SNX8: variants seen among roughly 807,000 people sequenced by gnomAD.
SNX8 encodes the protein sorting nexin 8.
SNX8 carries 25 observed loss-of-function variants against 51.6 expected under a neutral mutation model. The observed-to-expected ratio is 0.48, with a 90% CI of 0.35 to 0.68. SNX8 has a LOEUF of 0.68. SNX8 is among the 30% of genes least tolerant of loss of function. The pLI is 0.00. For missense variants in SNX8, 695 were observed against 624.0 expected (o/e 1.11, Z -1.21); for synonymous variants, 324 against 277.0 (o/e 1.17, Z -1.68).
Position 2,263,347 on chromosome 7 carries a change from G to A in SNX8, c.798C>T (p.Asp266=). 6.2e-7 allele frequency: 1 copy of A among 1,605,776 alleles called. No individual in the cohort carries two copies. Among genetic ancestry groups the A allele is most frequent in the Middle Eastern group, 1.7e-4 (1 of 6,052 alleles). The change falls in exon 7 of 11, where the codon GAC becomes GAT. Residue 266 remains aspartate (D), a synonymous_variant. Transcript: ENST00000222990. ...FGKELSAIGS[D]TTPLPSWAAL... is the part of the protein sequence containing the mutation. ...CGGCCCAGGAGGGCAGCGGGGTCGT[G>A]TCAGACCCTATTGCACTGAGGGAGC...
At chr7:2,284,914 T>C (rs1324446935) in intron 1 of SNX8, among the ~76,000 whole-genome samples, 32 of 151,922 alleles carry the variant, frequency 2.1e-4, no homozygotes. Flanking sequence ...AATAAGTAAA[T>C]TAATTAAAAC....
At chr7:2,293,770 C>T (rs1255094099) in intron 1 of SNX8, among the ~76,000 whole-genome samples, 1 of 150,570 alleles carries the variant, frequency 6.6e-6, no homozygotes, top group Non-Finnish European at 1.5e-5. Context: ...CGAGACCTGC[C>T]TGGCCAACAT....
intron 1 of SNX8, among the ~76,000 whole-genome samples, chr7:2,279,770 A>G (rs1795869215): frequency 6.9e-6 from 1 of 144,242 alleles, no homozygotes; most frequent in Non-Finnish European, 1.5e-5. Flanking sequence ...AAGAAAAAAA[A>G]AAAAAAAAAA....
intron 1 of SNX8, among the ~76,000 whole-genome samples, chr7:2,297,550 CAAAAAAAAAA>C (rs145543350): frequency 6.7e-4 from 27 of 40,272 alleles, no homozygotes; most frequent in South Asian, 2.1e-3. Flanking sequence ...AACCCCGCCG[CAAAAAAAAAA>C]AAAAAAAAAA....
intron 1 of SNX8, among the ~76,000 whole-genome samples, chr7:2,346,540 G>C (rs1773823789): frequency 1.3e-5 from 2 of 151,686 alleles, no homozygotes; most frequent in Admixed American, 6.6e-5. Context: ...GAGGTCAGGA[G>C]ATCGAGACCA....
At chr7:2,302,960 G>A (rs1267121582) in intron 1 of SNX8, among the ~76,000 whole-genome samples, 1 of 151,790 alleles carries the variant, frequency 6.6e-6, no homozygotes, top group Non-Finnish European at 1.5e-5. Context: ...CACCCCGTCT[G>A]GGAAGTGAGG....
upstream of SNX8, among the ~76,000 whole-genome samples, chr7:2,354,471 G>C (rs1218945829): frequency 1.3e-5 from 2 of 152,164 alleles, no homozygotes; most frequent in African/African-American, 2.4e-5. Flanking sequence ...TGAGTTAGAG[G>C]ACATTTTCCT....
At position 2,347,095 on chromosome 7, in the gene SNX8, T is replaced by C. The variant is rs115611168; in HGVS notation, c.-66+7127A>G. 8.7e-3 allele frequency among the ~76,000 whole-genome samples: 1,314 copies of C among 151,888 alleles called. 15 individuals are homozygous for C. Among genetic ancestry groups the C allele is most frequent in the African/African-American group, 0.03 (1,236 of 41,414 alleles). ...GTAATCCAGCCATGGGAGCCTGAGGTAGGAGAATTACTTGAGGCCAGAAGT... is the reference window on the plus strand; with the variant it reads ...GTAATCCAGCCATGGGAGCCTGAGGCAGGAGAATTACTTGAGGCCAGAAGT... On this transcript the variant is annotated intron_variant, in intron 1 of 5. Transcript: ENST00000435336.
intron 1 of SNX8, among the ~76,000 whole-genome samples, chr7:2,319,586 T>C (rs947244134): frequency 4.6e-5 from 7 of 151,336 alleles, no homozygotes; most frequent in Non-Finnish European, 8.9e-5. Flanking sequence ...GAGGCTGAGG[T>C]GGGCAGATCA....
At chr7:2,347,130 G>A (rs1037428959) in intron 1 of SNX8, among the ~76,000 whole-genome samples, 1 of 151,948 alleles carries the variant, frequency 6.6e-6, no homozygotes, top group African/African-American at 2.4e-5. Flanking sequence ...TTCAAGACCA[G>A]CTGGGGCAAC....
chr7:2,353,401 CAAAA>C (rs112946281), intron 1 of SNX8, among the ~76,000 whole-genome samples: 1 of 151,716 alleles, frequency 6.6e-6, no homozygotes, highest in Admixed American at 6.6e-5. Context: ...ACAAACAAAA[CAAAA>C]AAACTATAGG....
rs544679546 is a variant in SNX8 at position 2,323,497 on chromosome 7, G to A, written c.-66+30725C>T. Among the ~76,000 whole-genome samples, 10 of 152,166 alleles carry A rather than the reference G, an allele frequency of 6.6e-5. No homozygotes were observed. In the East Asian group the frequency reaches 1.7e-3, roughly 26 times the overall value. On this transcript the variant is annotated intron_variant, in intron 1 of 5. Transcript: ENST00000435336. ...TCCCAGAGGCTTAAAGTCACAAAGG[G>A]GTTCATGTCTGTCACCGGCATGCAG...
chr7:2,282,414 G>A (rs548689172), intron 1 of SNX8, among the ~76,000 whole-genome samples: 99 of 152,232 alleles, frequency 6.5e-4, no homozygotes, highest in African/African-American at 1.9e-3. Context: ...GTCAGCCGCC[G>A]GCCCACTGTG....
At chr7:2,344,413 C>G (rs1778985301) in intron 1 of SNX8, among the ~76,000 whole-genome samples, 1 of 148,886 alleles carries the variant, frequency 6.7e-6, no homozygotes, top group South Asian at 2.1e-4. Flanking sequence ...AGATCGAAAC[C>G]ATCCTGGCTG....
chr7:2,281,381 T>C (rs1795902169), intron 1 of SNX8, among the ~76,000 whole-genome samples: 1 of 151,096 alleles, frequency 6.6e-6, no homozygotes, highest in Non-Finnish European at 1.5e-5. Flanking sequence ...ATTGGGCCAC[T>C]GCACTCCAGC....
chr7:2,258,368 C>G (rs1203923888), intron 7 of SNX8, among the ~76,000 whole-genome samples: 1 of 152,174 alleles, frequency 6.6e-6, no homozygotes, highest in Admixed American at 6.5e-5. Flanking sequence ...GACAGCTGCC[C>G]GCCCTCCTGC....
intron 1 of SNX8, among the ~76,000 whole-genome samples, chr7:2,323,518 T>C (rs1215908707): frequency 6.6e-6 from 1 of 152,096 alleles, no homozygotes; most frequent in Admixed American, 6.6e-5. Context: ...GTCACCGGCA[T>C]GCAGAGACCC....
chr7:2,255,956 G>A (rs1584660270), intron 10 of SNX8, among the ~76,000 whole-genome samples: 1 of 152,188 alleles, frequency 6.6e-6, no homozygotes, highest in Non-Finnish European at 1.5e-5. Context: ...CTGAGTCACT[G>A]GACCACAGCG....
chr7:2,266,502 G>T (rs1237143691), intron 5 of SNX8, among the ~76,000 whole-genome samples: 1 of 151,970 alleles, frequency 6.6e-6, no homozygotes, highest in Non-Finnish European at 1.5e-5. Context: ...GCACGCCACC[G>T]CACCCAGCTA....
Sources: allele counts gnomAD v4.1 joint callset (sites outside exome capture counted in the v4.1 genomes callset), GRCh38; gene constraint gnomAD v4.1.1; transcripts MANE v1.5; gene names NCBI Gene and HGNC (gene_info 2026-07-23, HGNC 2026-07-21).